The following BCCIP variants were observed in gnomAD, a reference collection of about 807,000 sequenced individuals.
BCCIP encodes BRCA2 and CDKN1A interacting protein, also known as BRCA2 and CDKN1A-interacting protein.
BCCIP carries 23 observed loss-of-function variants against 32.8 expected under a neutral mutation model. The ratio of observed to expected loss-of-function variants is 0.70; its 90% confidence interval spans 0.51 to 0.99. The LOEUF is 0.99. BCCIP is among the 50% of genes least tolerant of loss of function. The pLI, the probability that BCCIP is intolerant of heterozygous loss-of-function variation, is 0.00. For missense variants in BCCIP, 378 were observed against 379.8 expected, an observed-to-expected ratio of 1.00 and a Z score of 0.04; for synonymous variants, 144 against 137.6, an observed-to-expected ratio of 1.05 and a Z score of -0.33.
chr10:125,834,703 C>T (rs775358877), intron 6 of BCCIP, among the ~76,000 whole-genome samples: 3 of 151,716 alleles, frequency 2.0e-5, no homozygotes, highest in Non-Finnish European at 2.9e-5. Flanking sequence ...CCCAGCTACT[C>T]GGAAGGCTAA....
intron 7 of BCCIP, among the ~76,000 whole-genome samples, chr10:125,849,108 TC>T (rs757722352): frequency 8.5e-5 from 13 of 152,182 alleles, no homozygotes; most frequent in Non-Finnish European, 1.8e-4. Context: ...CATGCCCCTG[TC>T]CCATGAAGTT....
intron 7 of BCCIP, among the ~76,000 whole-genome samples, chr10:125,850,935 A>C (rs1589708775): frequency 1.3e-5 from 2 of 152,162 alleles, no homozygotes; most frequent in African/African-American, 4.8e-5. Flanking sequence ...ATCTGTTTCC[A>C]CTGAAGTGGT....
Position 125,829,676 on chromosome 10 carries a change from G to C in BCCIP, c.322-886G>C, listed in dbSNP as rs187295734. Among the ~76,000 whole-genome samples, 234 of 152,314 alleles carry C rather than the reference G, an allele frequency of 1.5e-3. 1 individual carries two copies. The highest frequency in any genetic ancestry group is 2.9e-3 in the Non-Finnish European group (199 of 68,032). Reference sequence around the variant, plus strand: ...GAAAATGAGAAATTAAACCTATGGGGCATTCCTTTTATTAGGGCAATGGGA... The same window carrying C: ...GAAAATGAGAAATTAAACCTATGGGCCATTCCTTTTATTAGGGCAATGGGA... On this transcript the variant is annotated intron_variant, in intron 3 of 6. Coordinates refer to ENST00000278100, the MANE Select transcript of BCCIP (RefSeq NM_078468.3).
At chr10:125,853,185 G>A (rs1265251333) in exon 8 of BCCIP, 2 of 1,613,040 alleles carry the variant, frequency 1.2e-6, no homozygotes, top group African/African-American at 2.7e-5. Flanking sequence ...ATTCAATCAA[G>A]ATCAACTCTA....
downstream of BCCIP, among the ~76,000 whole-genome samples, chr10:125,845,988 CCA>C (rs1313673832): frequency 6.6e-6 from 1 of 152,238 alleles, no homozygotes; most frequent in Non-Finnish European, 1.5e-5. Context: ...CACATCACTC[CCA>C]CCGCCCAGGC....
downstream of BCCIP, chr10:125,836,553 A>G: frequency 7.4e-7 from 1 of 1,344,496 alleles, no homozygotes. Context: ...TTAAAATAAT[A>G]TACACAGTGT....
downstream of BCCIP, among the ~76,000 whole-genome samples, chr10:125,837,396 C>G (rs967277547): frequency 1.6e-4 from 25 of 152,242 alleles, no homozygotes; most frequent in African/African-American, 5.8e-4. Flanking sequence ...TGCCATTGCC[C>G]CTCCTTTCCA....
chr10:125,838,919 A>T, downstream of BCCIP: 1 of 1,389,274 alleles, frequency 7.2e-7, no homozygotes. Flanking sequence ...CAAAATCATC[A>T]TCCTAAGCCA....
chr10:125,834,704 G>C (rs1271449360), intron 6 of BCCIP, among the ~76,000 whole-genome samples: 2 of 151,892 alleles, frequency 1.3e-5, no homozygotes, highest in Non-Finnish European at 2.9e-5. Context: ...CCAGCTACTC[G>C]GAAGGCTAAG....
Position 125,850,154 on chromosome 10 carries a change from A to AT in BCCIP, c.851-2968dup, listed in dbSNP as rs1156610050. On this transcript the variant is annotated intron_variant, in intron 7 of 7. Transcript: ENST00000368759. The stretch of plus-strand genomic sequence containing the variant: ...CTCATTAAAAAAAAAAAAAAAAAAA[A>AT]TTTGTAGAGATGGGGTCTTGTTATA... Among the ~76,000 whole-genome samples, 9 of 130,834 alleles carry AT rather than the reference A, an allele frequency of 6.9e-5. No homozygotes were observed. The South Asian group carries it at 1.7e-3, about 24-fold the overall frequency. The allele number at this position is 130,834 out of a possible 152,430, so 85.8% of individuals were successfully genotyped here.
intron 7 of BCCIP, chr10:125,852,744 A>G: frequency 9.8e-7 from 1 of 1,025,576 alleles, no homozygotes; most frequent in Admixed American, 2.6e-5. Context: ...ACTCCATGAA[A>G]TGCACTGCCA....
rs1354791640 is a variant in BCCIP, at chr10:125,836,386, T to G, written c.*112T>G. The G allele has an allele frequency of 9.0e-6, 14 of 1,551,642 alleles. 1 individual carries two copies. Among genetic ancestry groups the G allele is most frequent in the Middle Eastern group, 4.3e-4 (2 of 4,602 alleles). On this transcript the variant is annotated 3_prime_UTR_variant, in exon 7 of 7. Transcript: ENST00000278100. ...TCAGATTAAGTTCCTCTACAAAAAG[T>G]AGGGTTCTGTCCCATGTGTCTCTGA...
downstream of BCCIP, among the ~76,000 whole-genome samples, chr10:125,837,516 C>T (rs570586211): frequency 6.6e-6 from 1 of 152,306 alleles, no homozygotes; most frequent in Admixed American, 6.5e-5. Flanking sequence ...CAGCCTTGAC[C>T]TCCTGGGCTC....
chr10:125,840,278 A>G (rs1854834839), downstream of BCCIP, among the ~76,000 whole-genome samples: 3 of 152,100 alleles, frequency 2.0e-5, no homozygotes, highest in African/African-American at 7.2e-5. Context: ...ACTGCCCTTC[A>G]GGCATACAAA....
chr10:125,841,635 A>G (rs1042604442), exon 7 of BCCIP: 1 of 1,489,658 alleles, frequency 6.7e-7, no homozygotes, highest in African/African-American at 1.4e-5. Context: ...TGAGTTGATC[A>G]CTATCTCTGC....
At chr10:125,833,637 C>A in intron 5 of BCCIP, 135 bp from the exon 6 acceptor site, 2 of 733,718 alleles carry the variant, frequency 2.7e-6, no homozygotes, top group Non-Finnish European at 4.6e-6. Flanking sequence ...TTCCTGTAGA[C>A]TAAGTGTTCA....
At chr10:125,846,474 G>T (rs748237243), downstream of BCCIP, among the ~76,000 whole-genome samples, 5 of 152,182 alleles carry the variant, frequency 3.3e-5, no homozygotes, top group Non-Finnish European at 7.3e-5. Flanking sequence ...ATTATTATTT[G>T]CTCTCAGTCT....
At chr10:125,848,427 T>G (rs1339201955) in intron 7 of BCCIP, among the ~76,000 whole-genome samples, 1 of 152,218 alleles carries the variant, frequency 6.6e-6, no homozygotes, top group Non-Finnish European at 1.5e-5. Context: ...TACCCTAATT[T>G]TACAGATGAG....
chr10:125,852,342 C>T, intron 7 of BCCIP: 1 of 1,614,202 alleles, frequency 6.2e-7, no homozygotes, highest in East Asian at 2.2e-5. Flanking sequence ...TGTCTATCCT[C>T]TTCATAAAAA....
Sources: gnomAD v4.1 joint callset for allele counts (sites outside exome capture counted in the v4.1 genomes callset) on GRCh38, gnomAD v4.1.1 for gene constraint, MANE v1.5 for transcripts, NCBI Gene and HGNC (gene_info 2026-07-23, HGNC 2026-07-21) for gene names.